The following CAPS2 variants were observed in gnomAD, a reference collection of about 807,000 sequenced individuals.
CAPS2 encodes calcyphosin-2.
CAPS2 carries 98 observed loss-of-function variants against 86.5 expected under a neutral mutation model. The observed-to-expected ratio is 1.13, with a 90% confidence interval of 0.96 to 1.34. The LOEUF is 1.34. Among genes scored for constraint, CAPS2 ranks in the 40% most tolerant of loss-of-function variants. The pLI is 0.00. For missense variants in CAPS2, 729 were observed against 686.8 expected, an observed-to-expected ratio of 1.06 and a Z score of -0.69; for synonymous variants, 210 against 225.1, an observed-to-expected ratio of 0.93 and a Z score of 0.60.
chr12:75,389,647 G>C (rs118074427), intron 1 of CAPS2, among the ~76,000 whole-genome samples: 1 of 152,226 alleles, frequency 6.6e-6, no homozygotes, highest in Non-Finnish European at 1.5e-5. Context: ...AATACTTCTA[G>C]CGTTTAGGAT....
At chr12:75,325,343 T>C in intron 1 of CAPS2, 55 bp from the exon 3 acceptor site, 1 of 1,240,558 alleles carries the variant, frequency 8.1e-7, no homozygotes, top group Non-Finnish European at 1.1e-6. Context: ...ATACCCTTTA[T>C]ACTTTAAGAG....
At chr12:75,378,990 C>T (rs1241371517) in intron 1 of CAPS2, among the ~76,000 whole-genome samples, 1 of 152,162 alleles carries the variant, frequency 6.6e-6, no homozygotes, top group Non-Finnish European at 1.5e-5. Context: ...GGTAAATTCA[C>T]ATGTATGTAG....
intron 13 of CAPS2, among the ~76,000 whole-genome samples, chr12:75,290,126 A>G (rs982452789): frequency 2.8e-4 from 43 of 152,288 alleles, no homozygotes; most frequent in African/African-American, 8.9e-4. Context: ...TAACCACCCC[A>G]TATCTTTAAT....
chr12:75,293,414 A>G, intron 11 of CAPS2, 47 bp from the exon 12 acceptor site: 1 of 1,100,950 alleles, frequency 9.1e-7, no homozygotes, highest in Non-Finnish European at 1.4e-6. Context: ...TGTAAGAAAT[A>G]AAATATAACT....
rs149139168 is a variant in CAPS2, at chr12:75,324,010, A to T, written c.132-788T>A. ...GTTTAATATTTGGTTCATTTCTGAA[A>T]CTTTAACAAGTGGTGGAGAAAATGT... On this transcript the variant is annotated intron_variant, in intron 2 of 16. Transcript: ENST00000393284. 2.3e-3 allele frequency among the ~76,000 whole-genome samples: 348 copies of T among 152,306 alleles called. 2 individuals are homozygous for T. Among genetic ancestry groups the T allele is most frequent in the African/African-American group, 7.9e-3 (328 of 41,570 alleles).
intron 1 of CAPS2, among the ~76,000 whole-genome samples, chr12:75,374,913 C>T (rs146939521): frequency 6.6e-6 from 1 of 152,178 alleles, no homozygotes; most frequent in Non-Finnish European, 1.5e-5. Flanking sequence ...TAGGATAATT[C>T]ACTGTCATTG....
At chr12:75,354,048 C>A (rs1312438043) in intron 1 of CAPS2, among the ~76,000 whole-genome samples, 3 of 150,516 alleles carry the variant, frequency 2.0e-5, no homozygotes, top group Non-Finnish European at 4.4e-5. Flanking sequence ...ACTGAATGGG[C>A]AAAAGCTGGA....
chr12:75,386,264 AG>A (rs757362489), intron 1 of CAPS2, among the ~76,000 whole-genome samples: 3 of 152,202 alleles, frequency 2.0e-5, no homozygotes, highest in Non-Finnish European at 4.4e-5. Flanking sequence ...ACTTACTATA[AG>A]GGTACGTGTC....
chr12:75,300,895 T>G (rs1347312262), intron 8 of CAPS2, among the ~76,000 whole-genome samples: 1 of 152,224 alleles, frequency 6.6e-6, no homozygotes, highest in Non-Finnish European at 1.5e-5. Context: ...CCTGACTTGT[T>G]TAAGCCACTA....
At chr12:75,278,034 T>C (rs2033220094) in exon 17 of CAPS2, 4 of 888,342 alleles carry the variant, frequency 4.5e-6, no homozygotes, top group Non-Finnish European at 5.4e-6. Context: ...TACTGAACTA[T>C]TCCTTGGATT....
At position 75,390,358 on chromosome 12, in the gene CAPS2, A is replaced by G. The variant is rs61932175; in HGVS notation, c.-395+480T>C. The G allele has an allele frequency of 9.1e-3, 4,170 of 456,308 alleles. 28 individuals are homozygous for G. Among genetic ancestry groups the G allele is most frequent in the Middle Eastern group, 0.019 (59 of 3,076 alleles). 28.3% of individuals were successfully genotyped at this position (456,308 alleles called of 1,614,324 possible). ...CAATTAGTGAAAAAGATGAATCTTG[A>G]TATTCCGGGCTGTCTGAATTGTGCT... On this transcript the variant is annotated intron_variant, in intron 1 of 5. Transcript: ENST00000551829.
intron 1 of CAPS2, among the ~76,000 whole-genome samples, chr12:75,340,482 A>C (rs960477993): frequency 6.6e-6 from 1 of 151,970 alleles, no homozygotes; most frequent in African/African-American, 2.4e-5. Flanking sequence ...GAAGAAAAAC[A>C]GGAGAAAATC....
rs186956704 is a variant in CAPS2, at chr12:75,314,357, T to C, written c.592-1442A>G. Among the ~76,000 whole-genome samples, 331 of 152,298 alleles carry C rather than the reference T, an allele frequency of 2.2e-3. 2 individuals carry two copies. Among genetic ancestry groups the C allele is most frequent in the African/African-American group, 7.8e-3 (325 of 41,582 alleles). On this transcript the variant is annotated intron_variant, in intron 6 of 16. Coordinates refer to ENST00000393284, the Ensembl canonical transcript of CAPS2. ...GTAGGTTATTTAACACTTTCATTTA[T>C]TGATAATGTTTAAATTATTATTAAA...
At chr12:75,292,466 A>G (rs2036142824) in intron 12 of CAPS2, among the ~76,000 whole-genome samples, 1 of 151,578 alleles carries the variant, frequency 6.6e-6, no homozygotes, top group South Asian at 2.1e-4. Context: ...AAAAACTATT[A>G]TTTTTAAAAG....
intron 11 of CAPS2, among the ~76,000 whole-genome samples, chr12:75,297,435 T>G (rs2037095126): frequency 6.6e-6 from 1 of 152,210 alleles, no homozygotes; most frequent in South Asian, 2.1e-4. Flanking sequence ...CAAAGAATTT[T>G]TATTCTTCTA....
At chr12:75,362,979 T>C in intron 1 of CAPS2, 1 of 523,354 alleles carries the variant, frequency 1.9e-6, no homozygotes. Context: ...AATTGAGACA[T>C]TATTATTTTT....
At position 75,298,870 on chromosome 12, in the gene CAPS2, C is replaced by G; in HGVS notation, c.950+1G>C. 6.2e-7 allele frequency: 1 copy of G among 1,605,488 alleles called. No individual in the cohort carries two copies. Among genetic ancestry groups the G allele is most frequent in the Non-Finnish European group, 8.5e-7 (1 of 1,173,862 alleles). On this transcript the variant is annotated splice_donor_variant, in intron 10 of 16. Coordinates refer to ENST00000393284, the Ensembl canonical transcript of CAPS2. LOFTEE classifies it high-confidence loss of function. ...AGTTCTAACAATGTTTAATGGCATA[C>G]CTATTTTTCCCAAATTGTCGATATT...
At chr12:75,316,056 T>C (rs1001296837) in intron 6 of CAPS2, among the ~76,000 whole-genome samples, 5 of 152,142 alleles carry the variant, frequency 3.3e-5, no homozygotes, top group African/African-American at 1.2e-4. Context: ...CTAACATAAA[T>C]AGCAGCCAAC....
At chr12:75,382,225 A>G (rs1479658988) in intron 1 of CAPS2, among the ~76,000 whole-genome samples, 1 of 152,272 alleles carries the variant, frequency 6.6e-6, no homozygotes, top group African/African-American at 2.4e-5. Flanking sequence ...AATACATTTT[A>G]GTATCTTCAG....
Sources: gnomAD v4.1 joint callset for allele counts (sites outside exome capture counted in the v4.1 genomes callset) on GRCh38, gnomAD v4.1.1 for gene constraint, MANE v1.5 for transcripts, NCBI Gene and HGNC (gene_info 2026-07-23, HGNC 2026-07-21) for gene names.